The following CNIH3 variants were observed in gnomAD, a reference collection of about 807,000 sequenced individuals.
CNIH3 encodes the protein protein cornichon homolog 3.
Under a neutral mutation model 24.1 loss-of-function variants are expected in CNIH3, and 14 were observed. That is an observed-to-expected ratio of 0.58 (90% CI 0.38 to 0.91). The LOEUF (loss-of-function observed/expected upper bound fraction) is 0.91, where lower values mean the gene tolerates loss of function less well. Among genes scored for constraint, CNIH3 ranks in the 40% least tolerant of loss-of-function variants. The pLI is 0.00. For synonymous variants in CNIH3, 68 were observed against 73.8 expected, an observed-to-expected ratio of 0.92 and a Z score of 0.40; for missense variants, 178 against 196.8, an observed-to-expected ratio of 0.90 and a Z score of 0.57.
At chr1:224,454,381 A>G (rs1053829928) in intron 1 of CNIH3, 7 of 882,608 alleles carry the variant, frequency 7.9e-6, no homozygotes, top group African/African-American at 1.8e-5. Context: ...TGTGTTGAAC[A>G]TAATTGAAAT....
chr1:224,622,381 CCCT>C (rs1201256346), intron 1 of CNIH3, among the ~76,000 whole-genome samples: 1 of 152,190 alleles, frequency 6.6e-6, no homozygotes. Context: ...CACTGGCTAT[CCCT>C]GGAGAGAACA....
At position 224,725,578 on chromosome 1, in the gene CNIH3, C is replaced by T. The variant is rs559450666; in HGVS notation, c.199-4884C>T. ...TACTGTCTTCAAGATAAACTCAGTGCCAGGAGCTTCCCTGTGGCTTCCATA... is the reference window on the plus strand; with the variant it reads ...TACTGTCTTCAAGATAAACTCAGTGTCAGGAGCTTCCCTGTGGCTTCCATA... On this transcript the variant is annotated intron_variant, in intron 3 of 5. Transcript: ENST00000272133. Among the ~76,000 whole-genome samples the T allele has an allele frequency of 5.4e-4, 82 of 152,270 alleles. 1 individual carries two copies. The highest frequency in any genetic ancestry group is 1.9e-3 in the African/African-American group (79 of 41,542).
At chr1:224,454,257 GTTT>G (rs11374306) in intron 1 of CNIH3, 50 of 750,568 alleles carry the variant, frequency 6.7e-5, no homozygotes, top group African/African-American at 8.0e-5. Flanking sequence ...CTACTAGTAA[GTTT>G]TTTTTTTTTT....
At chr1:224,468,836 A>G (rs1477036787) in intron 1 of CNIH3, among the ~76,000 whole-genome samples, 2 of 151,778 alleles carry the variant, frequency 1.3e-5, no homozygotes, top group African/African-American at 4.8e-5. Context: ...AAAAAAAAAA[A>G]AAAAAAAGAA....
At chr1:224,440,957 C>T (rs920593696) in intron 1 of CNIH3, among the ~76,000 whole-genome samples, 7 of 152,092 alleles carry the variant, frequency 4.6e-5, no homozygotes, top group Non-Finnish European at 8.8e-5. Context: ...GCTGGGACTA[C>T]AGGCGTCCGC....
chr1:224,646,392 G>A (rs1336253611), intron 1 of CNIH3, among the ~76,000 whole-genome samples: 1 of 152,170 alleles, frequency 6.6e-6, no homozygotes. Context: ...TTTGTTACAA[G>A]CATGTTGTTT....
intron 4 of CNIH3, among the ~76,000 whole-genome samples, chr1:224,579,062 T>C (rs1681157907): frequency 6.8e-6 from 1 of 147,978 alleles, no homozygotes; most frequent in African/African-American, 2.5e-5. Context: ...TCATGTTTCT[T>C]TTTTCTTTTT....
chr1:224,581,770 C>T (rs1681283596), intron 4 of CNIH3, among the ~76,000 whole-genome samples: 1 of 152,124 alleles, frequency 6.6e-6, no homozygotes, highest in Admixed American at 6.6e-5. Flanking sequence ...GATTTAAGGT[C>T]AAATTTAGCT....
At chr1:224,731,339 A>C (rs187677063) in intron 4 of CNIH3, among the ~76,000 whole-genome samples, 1 of 152,284 alleles carries the variant, frequency 6.6e-6, no homozygotes, top group Non-Finnish European at 1.5e-5. Context: ...AATTTCATAG[A>C]TTCTATTCCC....
At chr1:224,579,321 C>T (rs985388161) in intron 4 of CNIH3, among the ~76,000 whole-genome samples, 2 of 152,150 alleles carry the variant, frequency 1.3e-5, no homozygotes, top group Non-Finnish European at 2.9e-5. Context: ...AGTCTCAGCC[C>T]ATTGTATTTG....
chr1:224,484,509 T>C (rs1194584710), intron 1 of CNIH3, among the ~76,000 whole-genome samples: 1 of 152,224 alleles, frequency 6.6e-6, no homozygotes, highest in Non-Finnish European at 1.5e-5. Context: ...GTTTTCTTCA[T>C]GTTGGGATTC....
chr1:224,651,146 T>C (rs938163447), intron 1 of CNIH3, among the ~76,000 whole-genome samples: 8 of 152,100 alleles, frequency 5.3e-5, no homozygotes, highest in African/African-American at 1.4e-4. Context: ...GTTTCTATGA[T>C]GTAGTTAATT....
rs9659505 is a variant in CNIH3 at position 224,604,925 on chromosome 1, G to A, written n.402+38661G>A. Among the ~76,000 whole-genome samples, 3,512 of 152,244 alleles carry A rather than the reference G, an allele frequency of 0.023. 145 individuals carry two copies. The highest frequency in any genetic ancestry group is 0.08 in the African/African-American group (3,318 of 41,520). On this transcript the variant is annotated intron_variant and non_coding_transcript_variant, in intron 3 of 7. Transcript: ENST00000478120. The surrounding 1 kb of genome is among the most constrained non-coding windows in gnomAD (Gnocchi z 4.4). ...ATGAAAATGGCTTTCAGAGGAGAGG[G>A]GACATGGGGTTGGTCCTGCTACCTG... is the stretch of plus-strand genomic sequence containing the variant.
At chr1:224,510,827 T>C (rs929124803) in intron 1 of CNIH3, among the ~76,000 whole-genome samples, 3 of 152,048 alleles carry the variant, frequency 2.0e-5, no homozygotes, top group African/African-American at 7.2e-5. Context: ...ACACCAGGCC[T>C]CCCTGGCACT....
chr1:224,706,488 G>A (rs933791994), intron 3 of CNIH3, among the ~76,000 whole-genome samples: 12 of 152,044 alleles, frequency 7.9e-5, no homozygotes, highest in East Asian at 3.9e-4. Context: ...GTAACAGTGC[G>A]GAGATCTACC....
At chr1:224,579,761 C>T (rs1041089253) in intron 4 of CNIH3, among the ~76,000 whole-genome samples, 1 of 152,160 alleles carries the variant, frequency 6.6e-6, no homozygotes, top group Non-Finnish European at 1.5e-5. Context: ...AACTTTCCCC[C>T]CCTCTCTCTT....
intron 1 of CNIH3, among the ~76,000 whole-genome samples, chr1:224,462,667 G>A (rs1399742161): frequency 5.7e-5 from 8 of 139,274 alleles, no homozygotes; most frequent in African/African-American, 2.2e-4. Context: ...TTGAGATAGG[G>A]TCTCATTCTG....
At chr1:224,567,442 C>T (rs1176398012) in intron 4 of CNIH3, among the ~76,000 whole-genome samples, 2 of 152,138 alleles carry the variant, frequency 1.3e-5, no homozygotes, top group African/African-American at 4.8e-5. Flanking sequence ...AAGTCTTTGC[C>T]CATGCCTGTG....
chr1:224,627,228 C>CT (rs1269687431), intron 1 of CNIH3, among the ~76,000 whole-genome samples: 1 of 151,890 alleles, frequency 6.6e-6, no homozygotes, highest in Non-Finnish European at 1.5e-5. Context: ...GGGTCTCATT[C>CT]TTTTTTTTGT....
Sources: gnomAD v4.1 joint callset for allele counts (sites outside exome capture counted in the v4.1 genomes callset) on GRCh38, gnomAD v4.1.1 for gene constraint, Gnocchi (gnomAD v3.1) non-coding constraint, MANE v1.5 for transcripts, NCBI Gene and HGNC (gene_info 2026-07-23, HGNC 2026-07-21) for gene names.